Variants in PPFIA1 observed in about 807,000 individuals in gnomAD.
The protein encoded by PPFIA1 is PPFI scaffold protein A1.
PPFIA1 carries 25 observed loss-of-function variants against 149.9 expected under a neutral mutation model. The ratio of observed to expected loss-of-function variants is 0.17; its 90% CI spans 0.12 to 0.23. The LOEUF is 0.23. Ranked by LOEUF, PPFIA1 falls within the 10% of genes least tolerant of loss-of-function variation. The probability of loss-of-function intolerance (pLI) is 1.00; values close to 1 mark genes in which losing one functional copy is unlikely to be tolerated. For missense variants in PPFIA1, 1,362 were observed against 1,506.5 expected (o/e 0.90, Z 1.59); for synonymous variants, 549 against 552.8 (o/e 0.99, Z 0.10).
In PPFIA1 at chr11:70,304,415, G is replaced by A. The variant is rs533375801; in HGVS notation, c.265-19987G>A. Among the ~76,000 whole-genome samples, 131 of 152,144 alleles carry A rather than the reference G, an allele frequency of 8.6e-4. 1 individual carries two copies. The highest frequency in any genetic ancestry group is 1.5e-3 in the Non-Finnish European group (103 of 67,998). ...ATTCCTGGCCTTAAGCAGCCCTCCC[G>A]TCTTAGCCTCCCAAAGTGCTGGGAT... On this transcript the variant is annotated intron_variant, in intron 2 of 27. Coordinates refer to ENST00000253925, the MANE Select transcript of PPFIA1 (RefSeq NM_003626.5).
chr11:70,331,183 C>T (rs958431801), intron 8 of PPFIA1, among the ~76,000 whole-genome samples: 2 of 147,426 alleles, frequency 1.4e-5, no homozygotes, highest in African/African-American at 2.5e-5. Flanking sequence ...TGCAGTGAGC[C>T]GAGATTGTGC....
At chr11:70,299,165 G>A (rs1164889936) in intron 2 of PPFIA1, among the ~76,000 whole-genome samples, 2 of 152,182 alleles carry the variant, frequency 1.3e-5, no homozygotes, top group African/African-American at 2.4e-5. Flanking sequence ...CTTGAGCCTG[G>A]TAGGTTGAGG....
chr11:70,316,272 A>AT (rs1047883504), intron 2 of PPFIA1, among the ~76,000 whole-genome samples: 1 of 152,114 alleles, frequency 6.6e-6, no homozygotes, highest in African/African-American at 2.4e-5. Flanking sequence ...AGGTTTTGCC[A>AT]TTTTGGACAG....
intron 2 of PPFIA1, among the ~76,000 whole-genome samples, chr11:70,314,127 G>A (rs1033042059): frequency 6.6e-6 from 1 of 152,178 alleles, no homozygotes; most frequent in African/African-American, 2.4e-5. Context: ...GCAGCAGACC[G>A]GAAATGTGGA....
At chr11:70,350,030 G>C (rs938236110) in intron 16 of PPFIA1, 1 of 446,472 alleles carries the variant, frequency 2.2e-6, no homozygotes, top group Non-Finnish European at 4.5e-6. Context: ...ATTCTTCACA[G>C]CATGCTCAGG....
At chr11:70,327,307 T>A in intron 7 of PPFIA1, 1 of 153,936 alleles carries the variant, frequency 6.5e-6, no homozygotes, top group South Asian at 2.0e-4. Flanking sequence ...CTGGCGGTCT[T>A]CTCATTTTCT....
chr11:70,370,225 C>T (rs1379499074), intron 21 of PPFIA1, among the ~76,000 whole-genome samples: 4 of 151,804 alleles, frequency 2.6e-5, no homozygotes, highest in African/African-American at 4.8e-5. Context: ...TTATCTAGTC[C>T]GGCTAGGGTT....
intron 2 of PPFIA1, among the ~76,000 whole-genome samples, chr11:70,277,051 TATATATA>T (rs1329248346): frequency 5.9e-4 from 20 of 33,992 alleles, no homozygotes; most frequent in Non-Finnish European, 1.2e-3. Flanking sequence ...TATATATATA[TATATATA>T]TATTTTTTTT....
chr11:70,330,142 T>A, intron 7 of PPFIA1, 31 bp from the exon 8 acceptor site: 1 of 1,541,914 alleles, frequency 6.5e-7, no homozygotes, highest in East Asian at 2.3e-5. Context: ...AATTACCTAC[T>A]TTTTTGTCCC....
At chr11:70,372,092 T>C in intron 21 of PPFIA1, 123 bp from the exon 22 acceptor site, 1 of 865,688 alleles carries the variant, frequency 1.2e-6, no homozygotes, top group Non-Finnish European at 1.6e-6. Flanking sequence ...TTTGCAATTA[T>C]AAAATTATCA....
chr11:70,309,501 C>T (rs1591154974), intron 2 of PPFIA1, among the ~76,000 whole-genome samples: 1 of 151,888 alleles, frequency 6.6e-6, no homozygotes, highest in African/African-American at 2.4e-5. Flanking sequence ...CTTGCTTATT[C>T]TATGCAATTA....
chr11:70,377,733 A>G (rs1190138761), intron 25 of PPFIA1, among the ~76,000 whole-genome samples: 1 of 152,212 alleles, frequency 6.6e-6, no homozygotes, highest in Non-Finnish European at 1.5e-5. Flanking sequence ...GTTGCAAGAA[A>G]GTGATTCCTG....
At chr11:70,308,102 G>A (rs2052989569) in intron 2 of PPFIA1, among the ~76,000 whole-genome samples, 1 of 152,244 alleles carries the variant, frequency 6.6e-6, no homozygotes, top group African/African-American at 2.4e-5. Context: ...AGGCTGGAGT[G>A]CAATGGTGCG....
At position 70,378,181 on chromosome 11, in the gene PPFIA1, A is replaced by G. The variant is rs547523713; in HGVS notation, c.3536A>G (p.Lys1179Arg). 160 of 1,614,118 alleles carry G rather than the reference A, an allele frequency of 9.9e-5. 2 individuals carry two copies. In the South Asian group the frequency reaches 1.7e-3, roughly 17 times the overall value. Residue 1179 changes from lysine (K) to arginine (R), a missense_variant, in exon 26 of 28, where the codon AAG becomes AGG. This residue lies in a region of PPFIA1 where 349 missense variants were observed against 373.3 expected (regional missense o/e 0.93). Coordinates refer to ENST00000253925, the MANE Select transcript of PPFIA1 (RefSeq NM_003626.5). ...SMSSPSMQPKKMQMDGNVSGT... is the reference protein window; with the variant it reads ...SMSSPSMQPKRMQMDGNVSGT... ...TCTTCCCCCTCTATGCAGCCAAAGAAGATGCAGATGGACGGTATGTGATGG... is the reference window on the plus strand; with the variant it reads ...TCTTCCCCCTCTATGCAGCCAAAGAGGATGCAGATGGACGGTATGTGATGG...
intron 2 of PPFIA1, among the ~76,000 whole-genome samples, chr11:70,295,817 T>C (rs371931260): frequency 0.22 from 32,728 of 148,274 alleles, 5,577 homozygotes; most frequent in African/African-American, 0.48. Flanking sequence ...GGGCGGCTGC[T>C]GGGCGGAGAC....
At chr11:70,366,734 A>T (rs973202149) in intron 21 of PPFIA1, among the ~76,000 whole-genome samples, 3 of 152,248 alleles carry the variant, frequency 2.0e-5, no homozygotes, top group Non-Finnish European at 4.4e-5. Context: ...AAGAATCAAA[A>T]GGATTTTAAA....
intron 26 of PPFIA1, among the ~76,000 whole-genome samples, chr11:70,381,790 A>T (rs1171338595): frequency 6.6e-6 from 1 of 152,194 alleles, no homozygotes; most frequent in East Asian, 1.9e-4. Context: ...GATCACTCTA[A>T]GTAGGGGTCA....
rs115831783 is a variant in PPFIA1 at position 70,286,853 on chromosome 11, T to C, written c.264+14417T>C. On this transcript the variant is annotated intron_variant, in intron 2 of 27. Coordinates refer to ENST00000253925, the MANE Select transcript of PPFIA1 (RefSeq NM_003626.5). Reference sequence around the variant, plus strand: ...TCAAGCAATGCTCCTACCTCAGCCTTCTAAGAAGCTGGGACTACAGGTGTG... The same window carrying C: ...TCAAGCAATGCTCCTACCTCAGCCTCCTAAGAAGCTGGGACTACAGGTGTG... Among the ~76,000 whole-genome samples the C allele has an allele frequency of 5.0e-3, 757 of 150,454 alleles. 7 individuals are homozygous for C. The highest frequency in any genetic ancestry group is 0.018 in the African/African-American group (729 of 40,986).
intron 2 of PPFIA1, among the ~76,000 whole-genome samples, chr11:70,273,686 C>T (rs916690432): frequency 3.9e-5 from 6 of 152,112 alleles, no homozygotes; most frequent in African/African-American, 9.7e-5. Context: ...TTGACGTTAG[C>T]GCTCTATGTT....
Sources: gnomAD v4.1 joint callset for allele counts (sites outside exome capture counted in the v4.1 genomes callset) on GRCh38, gnomAD v4.1.1 for gene constraint, gnomAD v4.1.1 regional missense constraint, MANE v1.5 for transcripts, NCBI Gene and HGNC (gene_info 2026-07-23, HGNC 2026-07-21) for gene names.